The following STXBP4 variants were observed in gnomAD, a reference collection of about 807,000 sequenced individuals.
STXBP4 encodes syntaxin binding protein 4.
A neutral mutation model predicts 76.1 loss-of-function variants in STXBP4; 55 were observed. That is an observed-to-expected ratio of 0.72 (90% CI 0.58 to 0.91). The LOEUF (loss-of-function observed/expected upper bound fraction) is 0.91. Ranked by LOEUF, STXBP4 falls within the 40% of genes least tolerant of loss-of-function variation. The probability of loss-of-function intolerance (pLI) is 0.00; values close to 1 mark genes in which losing one functional copy is unlikely to be tolerated. For missense variants in STXBP4, 618 were observed against 636.9 expected, an observed-to-expected ratio of 0.97 and a Z score of 0.32; for synonymous variants, 201 against 220.2, an observed-to-expected ratio of 0.91 and a Z score of 0.77.
chr17:55,210,018 G>A, the STXBP4 span, among the ~76,000 whole-genome samples: 1 of 152,160 alleles, frequency 6.6e-6, no homozygotes, highest in Non-Finnish European at 1.5e-5. Context: ...ACACACATGT[G>A]CATGTGTGCA....
chr17:55,042,731 G>T (rs2078724551), intron 10 of STXBP4, among the ~76,000 whole-genome samples: 1 of 151,862 alleles, frequency 6.6e-6, no homozygotes, highest in Non-Finnish European at 1.5e-5. Flanking sequence ...TACAATTTCT[G>T]TGCAGGAATC....
intron 17 of STXBP4, among the ~76,000 whole-genome samples, chr17:55,147,011 A>C (rs933826664): frequency 6.6e-6 from 1 of 152,222 alleles, no homozygotes; most frequent in Admixed American, 6.5e-5. Flanking sequence ...TAAAAGTATG[A>C]ATTCCAGAAG....
At chr17:55,111,564 C>G (rs1598323155) in intron 16 of STXBP4, among the ~76,000 whole-genome samples, 1 of 152,008 alleles carries the variant, frequency 6.6e-6, no homozygotes, top group Non-Finnish European at 1.5e-5. Context: ...CATGAGAGTA[C>G]CTGAGTTCAC....
At chr17:55,061,256 T>C (rs2078991120) in intron 12 of STXBP4, among the ~76,000 whole-genome samples, 1 of 152,166 alleles carries the variant, frequency 6.6e-6, no homozygotes, top group South Asian at 2.1e-4. Context: ...GGAACAACAA[T>C]AATAAGTGAT....
chr17:55,189,587 G>A, the STXBP4 span, among the ~76,000 whole-genome samples: 5 of 152,170 alleles, frequency 3.3e-5, no homozygotes, highest in Admixed American at 3.3e-4. Context: ...TGCCCCAGAT[G>A]GAAGGAGACA....
chr17:55,061,632 C>T (rs1745359009), intron 12 of STXBP4, among the ~76,000 whole-genome samples: 1 of 152,184 alleles, frequency 6.6e-6, no homozygotes, highest in South Asian at 2.1e-4. Context: ...ATTGCCACAG[C>T]CACATCCTAC....
intron 7 of STXBP4, among the ~76,000 whole-genome samples, chr17:55,001,482 GA>G (rs1156378733): frequency 6.6e-6 from 1 of 151,374 alleles, no homozygotes; most frequent in East Asian, 1.9e-4. Flanking sequence ...TCAATACGAA[GA>G]AAAAAAGCCC....
the STXBP4 span, among the ~76,000 whole-genome samples, chr17:55,199,441 T>C: frequency 2.0e-5 from 3 of 152,246 alleles, no homozygotes; most frequent in African/African-American, 7.2e-5. Context: ...GCTTTCCTGA[T>C]GAGAAGCCTT....
At chr17:55,041,279 G>A (rs904258241) in intron 10 of STXBP4, among the ~76,000 whole-genome samples, 1 of 141,968 alleles carries the variant, frequency 7.0e-6, no homozygotes, top group East Asian at 2.1e-4. Flanking sequence ...CCATCAGGCT[G>A]GAGTGCAGTG....
intron 8 of STXBP4, among the ~76,000 whole-genome samples, chr17:55,024,182 T>G (rs1360400022): frequency 6.6e-6 from 1 of 152,216 alleles, no homozygotes; most frequent in Non-Finnish European, 1.5e-5. Context: ...GGAACTCTCA[T>G]GTGATACTCA....
intron 17 of STXBP4, among the ~76,000 whole-genome samples, chr17:55,146,869 A>C (rs2080162685): frequency 6.6e-6 from 1 of 152,230 alleles, no homozygotes; most frequent in Admixed American, 6.5e-5. Context: ...TCTTCCTTGA[A>C]GTAAGGGACA....
In STXBP4 at chr17:55,165,403, ATGT is replaced by A. The variant is rs759378023; in HGVS notation, c.*5494_*5496del. ...CCTAGAATGGAAATGATTATGTGGT[ATGT>A]TTAGGCAGTGGGACCTTGGACAACG... On this transcript the variant is annotated 3_prime_UTR_variant, in exon 18 of 18. Coordinates refer to ENST00000376352, the MANE Select transcript of STXBP4 (RefSeq NM_178509.6). The A allele has an allele frequency of 3.3e-5, 5 of 152,212 alleles. No individual in the cohort carries two copies. The highest frequency in any genetic ancestry group is 5.9e-5 in the Non-Finnish European group (4 of 68,054). 9.4% of individuals were successfully genotyped at this position (152,212 alleles called of 1,614,324 possible).
chr17:55,007,467 A>G lies in STXBP4; in HGVS notation c.575-39A>G, dbSNP rs771330170. ...CTGTCAAATAAAAATTTCGATTCCA[A>G]TTAAGTTCCCAATTAATGTGCACCC... On this transcript the variant is annotated intron_variant, in intron 7 of 17. Coordinates refer to ENST00000376352, the MANE Select transcript of STXBP4 (RefSeq NM_178509.6). The G allele has an allele frequency of 3.4e-6, 5 of 1,482,648 alleles. No homozygotes were observed. The African/African-American group carries it at 5.6e-5, about 17-fold the overall frequency. The allele number at this position is 1,482,648 out of a possible 1,614,324, so 91.8% of individuals were successfully genotyped here.
intron 12 of STXBP4, among the ~76,000 whole-genome samples, chr17:55,055,376 C>T (rs1419075704): frequency 6.6e-6 from 1 of 152,184 alleles, no homozygotes; most frequent in Non-Finnish European, 1.5e-5. Context: ...CCATAACCAA[C>T]TTGTTGGGCC....
chr17:55,001,485 A>C (rs890741045), intron 7 of STXBP4, among the ~76,000 whole-genome samples: 3 of 152,200 alleles, frequency 2.0e-5, no homozygotes, highest in Non-Finnish European at 2.9e-5. Flanking sequence ...ATACGAAGAA[A>C]AAAAGCCCCC....
At chr17:55,070,504 C>A (rs1199225141) in intron 12 of STXBP4, among the ~76,000 whole-genome samples, 3 of 152,086 alleles carry the variant, frequency 2.0e-5, no homozygotes, top group Non-Finnish European at 4.4e-5. Flanking sequence ...CTTTTAGATA[C>A]AAGGAAATAA....
At chr17:54,979,649 A>C (rs1196600410) in intron 1 of STXBP4, among the ~76,000 whole-genome samples, 1 of 152,218 alleles carries the variant, frequency 6.6e-6, no homozygotes, top group Non-Finnish European at 1.5e-5. Context: ...TATCAAGATA[A>C]TTTAGTGTAT....
intron 17 of STXBP4, among the ~76,000 whole-genome samples, chr17:55,143,492 G>A (rs2080116512): frequency 6.6e-6 from 1 of 152,190 alleles, no homozygotes; most frequent in Non-Finnish European, 1.5e-5. Flanking sequence ...ACCCAAAACA[G>A]AGAAAGCAGG....
chr17:55,127,585 C>T (rs548926617), intron 16 of STXBP4, among the ~76,000 whole-genome samples: 1 of 152,188 alleles, frequency 6.6e-6, no homozygotes, highest in South Asian at 2.1e-4. Flanking sequence ...AAATTGGGGT[C>T]ACTTTTATTT....
Sources: allele counts gnomAD v4.1 joint callset (sites outside exome capture counted in the v4.1 genomes callset), GRCh38; gene constraint gnomAD v4.1.1; transcripts MANE v1.5; gene names NCBI Gene and HGNC (gene_info 2026-07-23, HGNC 2026-07-21).